ITGA11: variants seen among roughly 807,000 people sequenced by gnomAD.
The protein encoded by ITGA11 is integrin alpha-11.
In ITGA11, 97 loss-of-function variants were observed where a neutral mutation model predicts 141.9. The observed-to-expected ratio is 0.68, with a 90% CI of 0.58 to 0.81. The LOEUF (loss-of-function observed/expected upper bound fraction) is 0.81, where lower values mean the gene tolerates loss of function less well. Ranked by LOEUF, ITGA11 falls within the 30% of genes least tolerant of loss-of-function variation. The pLI is 0.00. For missense variants in ITGA11, 1,387 were observed against 1,559.2 expected (o/e 0.89, Z 1.86); for synonymous variants, 658 against 624.6 (o/e 1.05, Z -0.80).
chr15:68,302,718 A>T lies in ITGA11; in HGVS notation c.*341T>A, dbSNP rs1893070993. 7.7e-6 allele frequency: 2 copies of T among 260,454 alleles called. No individual in the cohort carries two copies. Among genetic ancestry groups the T allele is most frequent in the Non-Finnish European group, 1.4e-5 (2 of 139,398 alleles). The allele number at this position is 260,454 out of a possible 1,614,324, so 16.1% of individuals were successfully genotyped here. A position where few individuals can be genotyped will look rare whatever the true frequency, so the allele number is the denominator to read the frequency against. ...CCCTGGGTTTCTCTGGAGGATGGGG[A>T]TGATTACGAATTCCTAGCACCTTAG... On this transcript the variant is annotated 3_prime_UTR_variant, in exon 30 of 30. Transcript: ENST00000315757.
Position 68,382,044 on chromosome 15 carries a change from T to A in ITGA11, c.165-12760A>T, listed in dbSNP as rs527820683. On this transcript the variant is annotated intron_variant, in intron 2 of 29. Coordinates refer to ENST00000315757, the MANE Select transcript of ITGA11 (RefSeq NM_001004439.2). ...TTGCATTAGGGAATCATTGTTTACA[T>A]GGACTGCTTCGAAGTCTTTTCTGTC... Among the ~76,000 whole-genome samples, 10 of 152,386 alleles carry A rather than the reference T, an allele frequency of 6.6e-5. No individual in the cohort carries two copies. In the South Asian group the frequency reaches 2.1e-3, roughly 32 times the overall value.
intron 5 of ITGA11, 115 bp from the exon 6 acceptor site, chr15:68,358,700 C>G: frequency 8.6e-7 from 1 of 1,164,752 alleles, no homozygotes; most frequent in Non-Finnish European, 1.2e-6. Flanking sequence ...TGTGTAATTC[C>G]CTGGGCTGGG....
chr15:68,358,690 T>C lies in ITGA11; in HGVS notation c.473-105A>G, dbSNP rs1895149237. ...GACAAATGAATGACTCTGCTCCATA[T>C]GTGTAATTCCCTGGGCTGGGAAACT... On this transcript the variant is annotated intron_variant, in intron 5 of 29. Coordinates refer to ENST00000315757, the MANE Select transcript of ITGA11 (RefSeq NM_001004439.2). 3.2e-6 allele frequency: 4 copies of C among 1,241,160 alleles called. No individual in the cohort carries two copies. The East Asian group carries it at 1.0e-4, about 32-fold the overall frequency. The allele number at this position is 1,241,160 out of a possible 1,614,324, so 76.9% of individuals were successfully genotyped here.
Position 68,313,753 on chromosome 15 carries a change from C to T in ITGA11, c.2882+26G>A, listed in dbSNP as rs751128701. The T allele has an allele frequency of 7.2e-5, 115 of 1,601,860 alleles. No homozygotes were observed. The Admixed American group carries it at 7.4e-4, about 10-fold the overall frequency. ...CTCCCATTCCCCATGCCTTCCCTCT[C>T]CTGGGGCCCCCGGAGCCCGGCCCAC... On this transcript the variant is annotated intron_variant, in intron 23 of 29. Transcript: ENST00000315757.
intron 3 of ITGA11, among the ~76,000 whole-genome samples, chr15:68,368,950 G>A (rs948209650): frequency 6.6e-6 from 1 of 151,502 alleles, no homozygotes; most frequent in African/African-American, 2.4e-5. Flanking sequence ...GACAGCTAGG[G>A]CCTGGGTTGA....
chr15:68,320,376 C>T lies in ITGA11; in HGVS notation c.2425G>A (p.Val809Met), dbSNP rs201394529. 5.6e-4 allele frequency: 900 copies of T among 1,594,310 alleles called. No homozygotes were observed. Among genetic ancestry groups the T allele is most frequent in the Admixed American group, 9.2e-4 (52 of 56,442 alleles). The change falls in exon 20 of 30, where the codon GTG (valine) becomes ATG (methionine). Residue 809 changes from valine to methionine, a missense_variant. By Grantham distance (21) the Val-to-Met change is conservative (BLOSUM62 1). Coordinates refer to ENST00000315757, the MANE Select transcript of ITGA11 (RefSeq NM_001004439.2). ...CAGTCCTGCGCAGGCTTCCTCAGCA[C>T]CCTCTGGCAGTACTCCCTGAGAACA... is the stretch of plus-strand genomic sequence containing the variant. ...LPTAMEYCQR[V>M]LRKPAQDCSA...
chr15:68,351,869 G>A (rs1894921723), intron 7 of ITGA11, among the ~76,000 whole-genome samples: 1 of 152,130 alleles, frequency 6.6e-6, no homozygotes, highest in Non-Finnish European at 1.5e-5. Context: ...GATCAACTGA[G>A]GTTGGGAGTT....
At chr15:68,429,933 T>C (rs2140448356) in intron 1 of ITGA11, among the ~76,000 whole-genome samples, 1 of 152,330 alleles carries the variant, frequency 6.6e-6, no homozygotes, top group Admixed American at 6.5e-5. Context: ...CTTCTCTTGT[T>C]TGAACACCCA....
At chr15:68,370,197 G>T (rs1213892701) in intron 2 of ITGA11, among the ~76,000 whole-genome samples, 1 of 152,186 alleles carries the variant, frequency 6.6e-6, no homozygotes, top group East Asian at 1.9e-4. Context: ...AGCCACGCAG[G>T]TTGTGATCAT....
rs889129220 is a variant in ITGA11, at chr15:68,335,146, A to G, written c.1425+551T>C. Among the ~76,000 whole-genome samples, 2 of 152,096 alleles carry G rather than the reference A, an allele frequency of 1.3e-5. No homozygotes were observed. Among genetic ancestry groups the G allele is most frequent in the African/African-American group, 2.4e-5 (1 of 41,422 alleles). On this transcript the variant is annotated intron_variant, in intron 12 of 29. Coordinates refer to ENST00000315757, the MANE Select transcript of ITGA11 (RefSeq NM_001004439.2). The surrounding 1 kb of genome is among the most constrained non-coding windows in gnomAD (Gnocchi z 4.9). ...AGAGAGGGCACAGATGCTGCTGGTT[A>G]GGAGGAGCCCAGGCCTGATTTTGGG... is the stretch of plus-strand genomic sequence containing the variant.
In ITGA11 at chr15:68,321,474, A is replaced by C; in HGVS notation, c.2352T>G (p.Asp784Glu). Reference sequence around the variant, plus strand: ...ACACAAGGTCAGGGACACAGTGCTCATCCTCATTGCAGCCGTTCCAGAAGG... The same window carrying C: ...ACACAAGGTCAGGGACACAGTGCTCCTCCTCATTGCAGCCGTTCCAGAAGG... Reference protein sequence around the residue: ...SVPFWNGCNEDEHCVPDLVLD... With the variant: ...SVPFWNGCNEEEHCVPDLVLD... The change falls in exon 19 of 30, where the codon GAT (aspartate) becomes GAG (glutamate). Residue 784 changes from aspartate (D) to glutamate (E), a missense_variant. Transcript: ENST00000315757. This position sits in a 1 kb window ranked among gnomAD's most constrained non-coding sequence, Gnocchi z 4.9. 2 of 1,595,994 alleles carry C rather than the reference A, an allele frequency of 1.3e-6. No homozygotes were observed. Among genetic ancestry groups the C allele is most frequent in the Non-Finnish European group, 8.5e-7 (1 of 1,171,220 alleles).
rs934299633 is a variant in ITGA11 at position 68,307,791 on chromosome 15, G to A, written c.3175-95C>T. 7.5e-6 allele frequency: 6 copies of A among 803,956 alleles called. No individual in the cohort carries two copies. The highest frequency in any genetic ancestry group is 5.1e-5 in the African/African-American group (3 of 58,398). 49.8% of individuals were successfully genotyped at this position (803,956 alleles called of 1,614,324 possible). On this transcript the variant is annotated intron_variant, in intron 26 of 29. Coordinates refer to ENST00000315757, the MANE Select transcript of ITGA11 (RefSeq NM_001004439.2). This position sits in a 1 kb window ranked among gnomAD's most constrained non-coding sequence, Gnocchi z 6.1. The stretch of plus-strand genomic sequence containing the variant: ...AACGACTGGGGCTCTGCTCCTGGGG[G>A]CAGGGGCAGAGGACAGGGGACAAAG...
At chr15:68,313,915 A>G (rs1280778224) in intron 22 of ITGA11, 47 bp from the exon 23 acceptor site, 2 of 1,490,314 alleles carry the variant, frequency 1.3e-6, no homozygotes, top group Non-Finnish European at 1.9e-6. Context: ...CTCAGCCAGC[A>G]CAGGCAGCGG....
chr15:68,365,547 G>GGT (rs58398705), intron 3 of ITGA11: 5,991 of 149,464 alleles, frequency 0.04, 168 homozygotes, highest in African/African-American at 0.079. Context: ...AGTGTGTTGG[G>GGT]GTGTGTGTGT....
chr15:68,355,633 G>A (rs1237660785), intron 7 of ITGA11, among the ~76,000 whole-genome samples: 1 of 151,886 alleles, frequency 6.6e-6, no homozygotes, highest in Admixed American at 6.6e-5. Context: ...TTTTTGTAGA[G>A]ATGAGGTCTC....
At chr15:68,314,958 C>A (rs1451936031) in intron 22 of ITGA11, among the ~76,000 whole-genome samples, 2 of 152,116 alleles carry the variant, frequency 1.3e-5, no homozygotes, top group Non-Finnish European at 2.9e-5. Context: ...CTGTCCTTCC[C>A]CACACAGAGG....
chr15:68,335,841 G>A lies in ITGA11; in HGVS notation c.1281C>T (p.Tyr427=), dbSNP rs1283350035. The change falls in exon 12 of 30, where the codon TAC becomes TAT. Residue 427 remains tyrosine, a synonymous_variant. Transcript: ENST00000315757. This position sits in a 1 kb window ranked among gnomAD's most constrained non-coding sequence, Gnocchi z 4.9. ...ELKNHGAYLG[Y]TVTSVVSSRQ... ...TGGAGGACACGACCGATGTGACTGT[G>A]TACCCTGCCACAGGAGGAAACAGGC... The A allele has an allele frequency of 1.9e-6, 3 of 1,612,464 alleles. No homozygotes were observed. In the Admixed American group the frequency reaches 5.0e-5, roughly 27 times the overall value.
Position 68,317,304 on chromosome 15 carries a change from G to T in ITGA11, c.2676C>A (p.Val892=). 2 of 1,613,892 alleles carry T rather than the reference G, an allele frequency of 1.2e-6. No homozygotes were observed. The highest frequency in any genetic ancestry group is 1.7e-6 in the Non-Finnish European group (2 of 1,179,802). The change falls in exon 21 of 30, where the codon GTC becomes GTA. Residue 892 remains valine (V), a synonymous_variant. Transcript: ENST00000315757. ...GGAAGAAGGGATAGCTGACGTTGCA[G>T]ACTTGCTTCTGGAGCCTCCTCTCCT... ...VNEERRLQKQ[V]CNVSYPFFRA... is the part of the protein sequence containing the mutation.
chr15:68,358,817 C>A (rs762349744), intron 5 of ITGA11, among the ~76,000 whole-genome samples: 1 of 152,222 alleles, frequency 6.6e-6, no homozygotes, highest in Non-Finnish European at 1.5e-5. Context: ...TTAAATTAAG[C>A]CTGATCACTT....
Sources: allele counts gnomAD v4.1 joint callset (sites outside exome capture counted in the v4.1 genomes callset), GRCh38; gene constraint gnomAD v4.1.1; non-coding constraint Gnocchi (gnomAD v3.1); transcripts MANE v1.5; gene names NCBI Gene and HGNC (gene_info 2026-07-23, HGNC 2026-07-21).